TMEM120B: variants seen among roughly 807,000 people sequenced by gnomAD.
TMEM120B encodes transmembrane protein 120B.
In TMEM120B, 31 loss-of-function variants were observed where a neutral mutation model predicts 55.5. The ratio of observed to expected loss-of-function variants is 0.56; its 90% CI spans 0.42 to 0.75. TMEM120B has a LOEUF of 0.75. TMEM120B is among the 30% of genes least tolerant of loss of function. The pLI is 0.00. For missense variants in TMEM120B, 399 were observed against 425.5 expected (o/e 0.94, Z 0.55); for synonymous variants, 203 against 176.3 (o/e 1.15, Z -1.20).
rs547538003 is a variant in TMEM120B at position 121,757,144 on chromosome 12, G to T, written c.462-4505G>T. 8.1e-4 allele frequency among the ~76,000 whole-genome samples: 123 copies of T among 151,170 alleles called. 2 individuals are homozygous for T. Among genetic ancestry groups the T allele is most frequent in the Non-Finnish European group, 8.9e-5 (6 of 67,700 alleles). On this transcript the variant is annotated intron_variant, in intron 5 of 11. Coordinates refer to ENST00000449592, the MANE Select transcript of TMEM120B (RefSeq NM_001080825.2). ...GAGCTCGGCCTCCCTGGGCGGTGGG[G>T]GGGGGGGGTGTCACTTATTTATTAT...
At chr12:121,769,143 C>CA (rs34286143) in intron 6 of TMEM120B, among the ~76,000 whole-genome samples, 1,162 of 88,674 alleles carry the variant, frequency 0.013, 21 homozygotes, top group African/African-American at 0.038. Flanking sequence ...AAGACTGTCT[C>CA]AAAAAAAAAA....
At chr12:121,749,868 T>C (rs570312417) in intron 3 of TMEM120B, among the ~76,000 whole-genome samples, 5 of 148,810 alleles carry the variant, frequency 3.4e-5, no homozygotes, top group Non-Finnish European at 7.4e-5. Flanking sequence ...ATCGTGCCAC[T>C]GCAGTCCAGT....
rs376768557 is a variant in TMEM120B, at chr12:121,779,450, G to A, written c.*3728G>A. 11 of 1,593,608 alleles carry A rather than the reference G, an allele frequency of 6.9e-6. No homozygotes were observed. The highest frequency in any genetic ancestry group is 1.1e-5 in the South Asian group (1 of 90,592). On this transcript the variant is annotated 3_prime_UTR_variant, in exon 12 of 12. Transcript: ENST00000449592. Reference sequence around the variant, plus strand: ...AGCCTCCCTGGTGCAATCGGCACCTGGGCCCCCGGGCCCTGTCAGTGCTGT... The same window carrying A: ...AGCCTCCCTGGTGCAATCGGCACCTAGGCCCCCGGGCCCTGTCAGTGCTGT...
intron 1 of TMEM120B, among the ~76,000 whole-genome samples, chr12:121,727,602 G>A (rs552915325): frequency 6.6e-6 from 1 of 151,312 alleles, no homozygotes; most frequent in South Asian, 2.1e-4. Flanking sequence ...GGCCCGGTGC[G>A]GTGGCTCACG....
chr12:121,714,300 A>C (rs1894653940), intron 1 of TMEM120B, among the ~76,000 whole-genome samples: 1 of 152,078 alleles, frequency 6.6e-6, no homozygotes, highest in Non-Finnish European at 1.5e-5. Context: ...ACTGTCGCCC[A>C]GGCTGGAGTG....
intron 1 of TMEM120B, 90 bp from the exon 2 acceptor site, chr12:121,743,539 C>CA (rs1204646757): frequency 1.0e-6 from 1 of 978,506 alleles, no homozygotes; most frequent in African/African-American, 1.6e-5. Flanking sequence ...GCCTGGGTGA[C>CA]AGAGCGAGAC....
chr12:121,727,440 G>A lies in TMEM120B; in HGVS notation c.69+14476G>A, dbSNP rs572499680. ...GGTTCCAGCTTCTCGGGAGGCTGAGGCAGGAGGATCACTTGAGCTGGGGAA... is the reference window on the plus strand; with the variant it reads ...GGTTCCAGCTTCTCGGGAGGCTGAGACAGGAGGATCACTTGAGCTGGGGAA... On this transcript the variant is annotated intron_variant, in intron 1 of 11. Transcript: ENST00000449592. Among the ~76,000 whole-genome samples the A allele has an allele frequency of 1.8e-3, 279 of 151,700 alleles. 1 individual carries two copies. Among genetic ancestry groups the A allele is most frequent in the Middle Eastern group, 0.01 (3 of 294 alleles).
intron 9 of TMEM120B, 91 bp downstream of exon 9, chr12:121,773,604 ACAGCGGAGCCAGG>A (rs1199101038): frequency 2.3e-5 from 23 of 979,148 alleles, no homozygotes; most frequent in Non-Finnish European, 3.4e-5. Context: ...CACCTCCCAT[ACAGCGGAGCCAGG>A]CCGCTGCCCT....
In TMEM120B at chr12:121,781,086, G is replaced by C; in HGVS notation, c.*5364G>C. The C allele has an allele frequency of 6.2e-7, 1 of 1,614,234 alleles. No individual in the cohort carries two copies. The highest frequency in any genetic ancestry group is 8.5e-7 in the Non-Finnish European group (1 of 1,180,024). On this transcript the variant is annotated 3_prime_UTR_variant, in exon 12 of 12. Coordinates refer to ENST00000449592, the MANE Select transcript of TMEM120B (RefSeq NM_001080825.2). Reference sequence around the variant, plus strand: ...CCACCCAGGAGGCCGGCCTCACCTTGATGAGGACGTTGTCGTAGCTGGTGG... The same window carrying C: ...CCACCCAGGAGGCCGGCCTCACCTTCATGAGGACGTTGTCGTAGCTGGTGG...
chr12:121,712,848 A>C lies in TMEM120B; in HGVS notation c.-48A>C, dbSNP rs928038281. On this transcript the variant is annotated 5_prime_UTR_variant, in exon 1 of 12. Transcript: ENST00000449592. The stretch of plus-strand genomic sequence containing the variant: ...TGGGGCGCTGGGGGGCCGGTCGGGC[A>C]GCGCTGCGGGAGCAGCCGCCGGCAC... The C allele has an allele frequency of 5.9e-6, 8 of 1,362,946 alleles. No individual in the cohort carries two copies. In the African/African-American group the frequency reaches 9.2e-5, roughly 16 times the overall value. 84.4% of individuals were successfully genotyped at this position (1,362,946 alleles called of 1,614,324 possible).
In TMEM120B at chr12:121,723,965, A is replaced by G. The variant is rs570523568; in HGVS notation, c.69+11001A>G. On this transcript the variant is annotated intron_variant, in intron 1 of 11. Transcript: ENST00000449592. ...ACAGGCACATACCACCATGCCAGTT[A>G]TAATTAAATTTTTTTTTTGAGACAT... 6.1e-4 allele frequency among the ~76,000 whole-genome samples: 90 copies of G among 148,712 alleles called. 1 individual carries two copies. The South Asian group carries it at 9.8e-3, about 16-fold the overall frequency.
intron 5 of TMEM120B, among the ~76,000 whole-genome samples, chr12:121,753,418 A>G (rs150291403): frequency 1.3e-5 from 2 of 152,174 alleles, no homozygotes; most frequent in East Asian, 3.9e-4. Context: ...TGAAAATACA[A>G]AAATTAGCCA....
rs979149728 is a variant in TMEM120B, at chr12:121,776,597, C to T, written c.*875C>T. 1.3e-5 allele frequency: 2 copies of T among 152,224 alleles called. No individual in the cohort carries two copies. The highest frequency in any genetic ancestry group is 6.5e-5 in the Admixed American group (1 of 15,282). 9.4% of individuals were successfully genotyped at this position (152,224 alleles called of 1,614,324 possible). A position where few individuals can be genotyped will look rare whatever the true frequency, so the allele number is the denominator to read the frequency against. On this transcript the variant is annotated 3_prime_UTR_variant, in exon 12 of 12. Transcript: ENST00000449592. ...GCACCCTGAGGCGGGGTCAGAGCCA[C>T]TGGGCATCGCTTGGGTGAGATTCTG...
chr12:121,769,435 G>A (rs1339296690), intron 6 of TMEM120B, among the ~76,000 whole-genome samples: 2 of 152,212 alleles, frequency 1.3e-5, no homozygotes, highest in Non-Finnish European at 2.9e-5. Context: ...GCCAGGCACA[G>A]TGGGTCACGA....
At chr12:121,758,286 G>C (rs1873542774) in intron 5 of TMEM120B, 3 of 985,386 alleles carry the variant, frequency 3.0e-6, no homozygotes, top group African/African-American at 3.5e-5. Context: ...GGCCAGTGGG[G>C]CTCTGATAAT....
chr12:121,759,341 A>G (rs1873593596), intron 5 of TMEM120B, among the ~76,000 whole-genome samples: 1 of 152,158 alleles, frequency 6.6e-6, no homozygotes, highest in Non-Finnish European at 1.5e-5. Flanking sequence ...TGAGGGGCAT[A>G]AGGCAGAAGA....
chr12:121,775,803 C>G lies in TMEM120B; in HGVS notation c.*81C>G, dbSNP rs1037177506. ...TCCTTCCCAGCAGCCCTCTCAGGCCCGTGGCATCGCTGGGAGAGGGCCCAG... is the reference window on the plus strand; with the variant it reads ...TCCTTCCCAGCAGCCCTCTCAGGCCGGTGGCATCGCTGGGAGAGGGCCCAG... On this transcript the variant is annotated 3_prime_UTR_variant, in exon 12 of 12. Coordinates refer to ENST00000449592, the MANE Select transcript of TMEM120B (RefSeq NM_001080825.2). This position sits in a 1 kb window ranked among gnomAD's most constrained non-coding sequence, Gnocchi z 4.3. 6.8e-7 allele frequency: 1 copy of G among 1,468,754 alleles called. No homozygotes were observed. Among genetic ancestry groups the G allele is most frequent in the Non-Finnish European group, 9.4e-7 (1 of 1,064,642 alleles). 91.0% of individuals were successfully genotyped at this position (1,468,754 alleles called of 1,614,324 possible).
At chr12:121,759,122 G>GTTT (rs367619585) in intron 5 of TMEM120B, 34,574 of 652,244 alleles carry the variant, frequency 0.053, 312 homozygotes, top group East Asian at 0.13. Flanking sequence ...AGTGTCTACT[G>GTTT]TTTTTTTTTT....
intron 5 of TMEM120B, among the ~76,000 whole-genome samples, chr12:121,756,796 CAA>C (rs1347151397): frequency 1.3e-5 from 2 of 152,230 alleles, no homozygotes; most frequent in African/African-American, 4.8e-5. Flanking sequence ...GAGTTCGTCT[CAA>C]GAGAGTCAGG....
Sources: allele counts gnomAD v4.1 joint callset (sites outside exome capture counted in the v4.1 genomes callset), GRCh38; gene constraint gnomAD v4.1.1; non-coding constraint Gnocchi (gnomAD v3.1); transcripts MANE v1.5; gene names NCBI Gene and HGNC (gene_info 2026-07-23, HGNC 2026-07-21).